Variants in SLC12A8 observed in about 807,000 individuals in gnomAD.
SLC12A8 encodes the protein solute carrier family 12 member 8.
In SLC12A8, 69 loss-of-function variants were observed where a neutral mutation model predicts 75.6. That is an observed-to-expected ratio of 0.91 (90% CI 0.75 to 1.11). The LOEUF (loss-of-function observed/expected upper bound fraction) is 1.11, where lower values mean the gene tolerates loss of function less well. Ranked by LOEUF, SLC12A8 falls within the 50% of genes most tolerant of loss-of-function variation. The pLI, the probability that SLC12A8 is intolerant of heterozygous loss-of-function variation, is 0.00. For missense variants in SLC12A8, 877 were observed against 896.7 expected, an observed-to-expected ratio of 0.98 and a Z score of 0.28; for synonymous variants, 365 against 372.8, an observed-to-expected ratio of 0.98 and a Z score of 0.24.
In SLC12A8 at chr3:125,150,975, C is replaced by T. The variant is rs79319877; in HGVS notation, c.623-15193G>A. Among the ~76,000 whole-genome samples, 229 of 152,302 alleles carry T rather than the reference C, an allele frequency of 1.5e-3. 1 individual carries two copies. Among genetic ancestry groups the T allele is most frequent in the African/African-American group, 4.7e-3 (197 of 41,562 alleles). ...GGCTATTAGGAAACGCGCTCACACA[C>T]ACACACCAAGTTTCCTCAGGGATTC... is the stretch of plus-strand genomic sequence containing the variant. On this transcript the variant is annotated intron_variant, in intron 5 of 13. Transcript: ENST00000469902.
In SLC12A8 at chr3:125,211,623, C is replaced by T. The variant is rs117471724; in HGVS notation, c.-45-229G>A. On this transcript the variant is annotated intron_variant, in intron 1 of 13. Coordinates refer to ENST00000469902, the MANE Select transcript of SLC12A8 (RefSeq NM_024628.6). ...TGCTCAAACCTTGCTGCCCTAGAAC[C>T]TCAGGCACTCCCAGCTCTCTCCTTC... is the stretch of plus-strand genomic sequence containing the variant. Among the ~76,000 whole-genome samples, 579 of 152,326 alleles carry T rather than the reference C, an allele frequency of 3.8e-3. 11 individuals are homozygous for T. In the East Asian group the frequency reaches 0.052, roughly 14 times the overall value.
rs183048379 is a variant in SLC12A8, at chr3:125,084,344, C to T, written c.1983-292G>A. Among the ~76,000 whole-genome samples, 30 of 152,042 alleles carry T rather than the reference C, an allele frequency of 2.0e-4. No homozygotes were observed. The East Asian group carries it at 5.4e-3, about 27-fold the overall frequency. ...AATAACCAACAAAGAGAGGTTTTGCCCTCCAAATGGTATCATGTTGGGGCT... is the reference window on the plus strand; with the variant it reads ...AATAACCAACAAAGAGAGGTTTTGCTCTCCAAATGGTATCATGTTGGGGCT... On this transcript the variant is annotated intron_variant, in intron 13 of 13. Coordinates refer to ENST00000469902, the MANE Select transcript of SLC12A8 (RefSeq NM_024628.6).
chr3:125,123,160 A>C (rs892003058), intron 6 of SLC12A8, among the ~76,000 whole-genome samples: 3 of 152,030 alleles, frequency 2.0e-5, no homozygotes, highest in African/African-American at 4.8e-5. Flanking sequence ...AGATCATCTG[A>C]GGTCAGGAGT....
chr3:125,210,131 T>C (rs966728985), intron 2 of SLC12A8, among the ~76,000 whole-genome samples: 2 of 152,244 alleles, frequency 1.3e-5, no homozygotes, highest in South Asian at 2.1e-4. Flanking sequence ...AGGGCACTTA[T>C]GACAATTTAA....
At chr3:125,162,891 C>T (rs996419847) in intron 5 of SLC12A8, among the ~76,000 whole-genome samples, 6 of 151,838 alleles carry the variant, frequency 4.0e-5, no homozygotes, top group East Asian at 1.9e-4. Flanking sequence ...GCTAGGGATA[C>T]AGGCAGAGGG....
Position 125,089,107 on chromosome 3 carries a change from G to T in SLC12A8, c.1922-737C>A, listed in dbSNP as rs552060410. ...ACATACATATGATTGAAAATTGATT[G>T]ATTAGATAATGTTCAATATATGATC... On this transcript the variant is annotated intron_variant, in intron 12 of 13. Transcript: ENST00000469902. 2.1e-4 allele frequency among the ~76,000 whole-genome samples: 32 copies of T among 152,280 alleles called. 1 individual carries two copies. In the South Asian group the frequency reaches 6.6e-3, roughly 32 times the overall value.
chr3:125,179,949 A>T (rs78111621), intron 4 of SLC12A8, among the ~76,000 whole-genome samples: 5,278 of 152,324 alleles, frequency 0.035, 328 homozygotes, highest in African/African-American at 0.12. Context: ...TTATATGGGC[A>T]CCACTTTCCC....
Position 125,208,791 on chromosome 3 carries a change from C to CAGAGAGAGAGAGAGAG in SLC12A8, c.51+2492_51+2507dup, listed in dbSNP as rs1287670719. On this transcript the variant is annotated intron_variant, in intron 2 of 13. Transcript: ENST00000469902. ...ACACACACACACACACACACACACA[C>CAGAGAGAGAGAGAGAG]AGAGAGAGAGAGAGAGAGAGAGAGA... 6.4e-4 allele frequency among the ~76,000 whole-genome samples: 54 copies of CAGAGAGAGAGAGAGAG among 84,224 alleles called. 1 individual carries two copies. The highest frequency in any genetic ancestry group is 1.5e-3 in the South Asian group (3 of 2,030). The allele number at this position is 84,224 out of a possible 152,430, so 55.3% of individuals were successfully genotyped here. A position where few individuals can be genotyped will look rare whatever the true frequency, so the allele number is the denominator to read the frequency against.
Position 125,083,963 on chromosome 3 carries a change from G to T in SLC12A8, c.2072C>A (p.Ala691Glu), listed in dbSNP as rs1363314016. The change falls in exon 14 of 14, where the codon GCA becomes GAA. Residue 691 changes from alanine (A) to glutamate (E), a missense_variant. Transcript: ENST00000469902. ...GTAGCGATCCCGAGTGGCGAAGTCT[G>T]CATTCTCCTGGGTGAGCTGAGTCAT... The part of the protein sequence containing the change: ...MEMTQLTQEN[A>E]DFATRDRYHH... The T allele has an allele frequency of 6.2e-7, 1 of 1,613,660 alleles. No individual in the cohort carries two copies. The highest frequency in any genetic ancestry group is 8.5e-7 in the Non-Finnish European group (1 of 1,179,874).
At chr3:125,114,511 G>A (rs1197082776) in intron 8 of SLC12A8, among the ~76,000 whole-genome samples, 1 of 152,108 alleles carries the variant, frequency 6.6e-6, no homozygotes, top group Non-Finnish European at 1.5e-5. Context: ...TGCAACCTCC[G>A]CCTCCTGGGT....
At chr3:125,146,732 A>G (rs777741971) in intron 5 of SLC12A8, among the ~76,000 whole-genome samples, 1 of 152,198 alleles carries the variant, frequency 6.6e-6, no homozygotes, top group African/African-American at 2.4e-5. Flanking sequence ...TCCACCTCCC[A>G]TGGCTCAAGT....
intron 5 of SLC12A8, among the ~76,000 whole-genome samples, 171 bp downstream of exon 5, chr3:125,177,572 A>G (rs1035111012): frequency 2.2e-4 from 34 of 152,160 alleles, no homozygotes; most frequent in African/African-American, 8.2e-4. Context: ...TTCTAGCCTC[A>G]TGAAGCTGCT....
rs1054127124 is a variant in SLC12A8 at position 125,209,677 on chromosome 3, A to C, written c.51+1622T>G. 7.2e-5 allele frequency among the ~76,000 whole-genome samples: 11 copies of C among 152,378 alleles called. No homozygotes were observed. In the South Asian group the frequency reaches 1.4e-3, roughly 20 times the overall value. Reference sequence around the variant, plus strand: ...CACAGCTTTAAGGGAGACAGAAAAGAAGCAGCTCATTTCAATGCTACATGG... The same window carrying C: ...CACAGCTTTAAGGGAGACAGAAAAGCAGCAGCTCATTTCAATGCTACATGG... On this transcript the variant is annotated intron_variant, in intron 2 of 13. Transcript: ENST00000469902.
chr3:125,128,423 G>A (rs1423364232), intron 6 of SLC12A8, among the ~76,000 whole-genome samples: 2 of 140,532 alleles, frequency 1.4e-5, no homozygotes, highest in Non-Finnish European at 3.0e-5. Context: ...CTCGTGATCC[G>A]CCCGCCTCGG....
chr3:125,097,531 TG>T (rs1938747444), intron 10 of SLC12A8, among the ~76,000 whole-genome samples: 41 of 528 alleles, frequency 0.078, no homozygotes, highest in African/African-American at 0.1. Context: ...AAGGGAATTG[TG>T]TGTGTGTGTG....
chr3:125,148,323 C>A (rs1475755831), intron 5 of SLC12A8, among the ~76,000 whole-genome samples: 1 of 152,150 alleles, frequency 6.6e-6, no homozygotes, highest in Non-Finnish European at 1.5e-5. Context: ...GTTAGGTCAA[C>A]CCTGTGGCAG....
chr3:125,173,033 G>A (rs1370315894), intron 5 of SLC12A8, among the ~76,000 whole-genome samples: 1 of 152,122 alleles, frequency 6.6e-6, no homozygotes, highest in East Asian at 1.9e-4. Context: ...ACAAAAATTA[G>A]CCAGGTGTGG....
At chr3:125,193,989 C>T (rs959042438) in intron 2 of SLC12A8, among the ~76,000 whole-genome samples, 12 of 152,194 alleles carry the variant, frequency 7.9e-5, no homozygotes, top group African/African-American at 2.9e-4. Flanking sequence ...GAATCCCATT[C>T]AACATCCTAT....
At chr3:125,173,452 C>CA (rs61001520) in intron 5 of SLC12A8, among the ~76,000 whole-genome samples, 16,425 of 78,790 alleles carry the variant, frequency 0.21, 821 homozygotes, top group African/African-American at 0.26. Flanking sequence ...ATTCATGAGC[C>CA]AAAAAAAAAA....
Sources: gnomAD v4.1 joint callset for allele counts (sites outside exome capture counted in the v4.1 genomes callset) on GRCh38, gnomAD v4.1.1 for gene constraint, MANE v1.5 for transcripts, NCBI Gene and HGNC (gene_info 2026-07-23, HGNC 2026-07-21) for gene names.